The following TTLL11 variants were observed in gnomAD, a reference collection of about 807,000 sequenced individuals.
TTLL11 encodes tubulin tyrosine ligase like 11, also known as tubulin polyglutamylase TTLL11.
A neutral mutation model predicts 51.7 loss-of-function variants in TTLL11; 42 were observed. The observed-to-expected ratio is 0.81, with a 90% CI of 0.64 to 1.05. TTLL11 has a LOEUF of 1.05. Among genes scored for constraint, TTLL11 ranks in the 50% least tolerant of loss-of-function variants. TTLL11 has a pLI of 0.00. For missense variants in TTLL11, 799 were observed against 940.4 expected (o/e 0.85, Z 1.97); for synonymous variants, 381 against 383.5 (o/e 0.99, Z 0.08).
intron 6 of TTLL11, among the ~76,000 whole-genome samples, chr9:121,875,622 C>A (rs1357829395): frequency 7.9e-5 from 12 of 152,138 alleles, no homozygotes; most frequent in Admixed American, 7.2e-4. Context: ...GGAAATGAAA[C>A]AATGAGAAAT....
intron 3 of TTLL11, among the ~76,000 whole-genome samples, chr9:122,027,218 T>C (rs1293198301): frequency 1.3e-5 from 2 of 152,142 alleles, no homozygotes; most frequent in African/African-American, 2.4e-5. Flanking sequence ...TCTATCACTA[T>C]GCAACACCAA....
chr9:121,865,423 A>G (rs528677433), intron 7 of TTLL11, among the ~76,000 whole-genome samples: 1 of 152,360 alleles, frequency 6.6e-6, no homozygotes, highest in Non-Finnish European at 1.5e-5. Context: ...CGATACAGAG[A>G]AGATGCTGCA....
At chr9:121,838,920 G>A (rs1001636846) in intron 8 of TTLL11, among the ~76,000 whole-genome samples, 4 of 152,130 alleles carry the variant, frequency 2.6e-5, no homozygotes, top group East Asian at 3.9e-4. Context: ...CTGAGGGATC[G>A]AGCCCCGCCT....
intron 2 of TTLL11, among the ~76,000 whole-genome samples, chr9:122,034,747 AG>A (rs1389207535): frequency 6.6e-6 from 1 of 152,184 alleles, no homozygotes; most frequent in Non-Finnish European, 1.5e-5. Flanking sequence ...TAGCTGATCC[AG>A]GGCACGCGTT....
At chr9:122,010,679 C>T (rs1337900035) in intron 3 of TTLL11, among the ~76,000 whole-genome samples, 1 of 152,180 alleles carries the variant, frequency 6.6e-6, no homozygotes, top group East Asian at 1.9e-4. Flanking sequence ...ACAAATGTAT[C>T]CAATCGAAGG....
intron 1 of TTLL11, among the ~76,000 whole-genome samples, chr9:122,045,984 G>A (rs577449393): frequency 1.3e-5 from 2 of 152,286 alleles, no homozygotes; most frequent in Admixed American, 1.3e-4. Context: ...GTGATGGTTG[G>A]ACAGCAGTGT....
chr9:121,959,421 T>C (rs1842140907), intron 6 of TTLL11, among the ~76,000 whole-genome samples: 2 of 152,182 alleles, frequency 1.3e-5, no homozygotes, highest in Non-Finnish European at 2.9e-5. Context: ...CGACCCTTCA[T>C]CAGGCCCTCA....
Position 121,819,057 on chromosome 9 carries a change from GAAGT to G in TTLL11, c.*3526_*3529del, listed in dbSNP as rs1336362875. The G allele has an allele frequency of 2.0e-5, 3 of 152,620 alleles. No homozygotes were observed. The highest frequency in any genetic ancestry group is 1.3e-4 in the Admixed American group (2 of 15,290). 9.5% of individuals were successfully genotyped at this position (152,620 alleles called of 1,614,324 possible). ...GGGGACTGGACAGAGGCTGGGAGGAGAAGTAAGAGGAAGCCAGGTGGTTTGTTTT... is the reference window on the plus strand; with the variant it reads ...GGGGACTGGACAGAGGCTGGGAGGAGAAGAGGAAGCCAGGTGGTTTGTTTT... On this transcript the variant is annotated 3_prime_UTR_variant, in exon 9 of 9. Transcript: ENST00000321582.
At chr9:121,960,432 C>A (rs1006890703) in intron 6 of TTLL11, among the ~76,000 whole-genome samples, 1 of 152,098 alleles carries the variant, frequency 6.6e-6, no homozygotes, top group Non-Finnish European at 1.5e-5. Context: ...GCTCTGAGAG[C>A]CCCATGTCCT....
chr9:121,921,480 A>C (rs1840542563), intron 6 of TTLL11, among the ~76,000 whole-genome samples: 1 of 152,290 alleles, frequency 6.6e-6, no homozygotes, highest in African/African-American at 2.4e-5. Context: ...GATTCCTCTA[A>C]GTAACAATTT....
chr9:121,879,767 A>AGCCGTGAGCTGTGCCACTGCACT (rs1564285600), intron 6 of TTLL11, among the ~76,000 whole-genome samples: 1,395 of 16,772 alleles, frequency 0.083, 132 homozygotes, highest in East Asian at 0.19. Context: ...CTGAATCTAG[A>AGCCGTGAGCTGTGCCACTGCACT]CCAGGCTGGG....
intron 6 of TTLL11, among the ~76,000 whole-genome samples, chr9:121,915,990 T>TAAACAC (rs1491556213): frequency 3.7e-5 from 5 of 134,252 alleles, no homozygotes; most frequent in Admixed American, 7.5e-5. Context: ...GACACACACA[T>TAAACAC]ACACACACAC....
intron 1 of TTLL11, 87 bp from the exon 2 acceptor site, chr9:122,039,455 C>G: frequency 1.0e-6 from 1 of 997,704 alleles, no homozygotes; most frequent in Non-Finnish European, 1.6e-6. Context: ...TCCTGGCACC[C>G]TGGTGTACTT....
intron 2 of TTLL11, among the ~76,000 whole-genome samples, chr9:122,033,333 A>T (rs1844609187): frequency 6.6e-6 from 1 of 151,684 alleles, no homozygotes; most frequent in Admixed American, 6.6e-5. Flanking sequence ...GGCTGGTCTC[A>T]AACTCCTGAC....
intron 6 of TTLL11, among the ~76,000 whole-genome samples, chr9:121,887,489 C>T (rs1197051612): frequency 6.6e-6 from 1 of 152,212 alleles, no homozygotes; most frequent in African/African-American, 2.4e-5. Flanking sequence ...GGGTTGGCTA[C>T]CAAGAATTTG....
intron 2 of TTLL11, among the ~76,000 whole-genome samples, chr9:122,038,925 A>G (rs191543250): frequency 4.8e-4 from 73 of 152,338 alleles, no homozygotes; most frequent in Middle Eastern, 3.4e-3. Context: ...CATTTCTATG[A>G]CATATGCCTA....
At chr9:121,972,783 A>G (rs910753007) in intron 6 of TTLL11, among the ~76,000 whole-genome samples, 6 of 152,252 alleles carry the variant, frequency 3.9e-5, no homozygotes, top group African/African-American at 7.2e-5. Flanking sequence ...AAACTCTAGT[A>G]TTGGTTTTCT....
chr9:122,028,371 A>G (rs1844417411), intron 3 of TTLL11, among the ~76,000 whole-genome samples: 1 of 152,192 alleles, frequency 6.6e-6, no homozygotes, highest in Non-Finnish European at 1.5e-5. Flanking sequence ...TTAAAAATGC[A>G]GATAGGTTAA....
intron 1 of TTLL11, among the ~76,000 whole-genome samples, chr9:122,068,370 G>A (rs1845645171): frequency 6.6e-6 from 1 of 152,102 alleles, no homozygotes; most frequent in South Asian, 2.1e-4. Flanking sequence ...GGGATGTACT[G>A]GTCTACTATG....
Sources: allele counts gnomAD v4.1 joint callset (sites outside exome capture counted in the v4.1 genomes callset), GRCh38; gene constraint gnomAD v4.1.1; transcripts MANE v1.5; gene names NCBI Gene and HGNC (gene_info 2026-07-23, HGNC 2026-07-21).